DOK5: variants seen among roughly 807,000 people sequenced by gnomAD.
DOK5 encodes the protein downstream of tyrosine kinase 5.
In DOK5, 27 loss-of-function variants were observed where a neutral mutation model predicts 43.3. The observed-to-expected ratio is 0.62, with a 90% confidence interval of 0.46 to 0.86. The LOEUF (loss-of-function observed/expected upper bound fraction) is 0.86, where lower values mean the gene tolerates loss of function less well. DOK5 is among the 40% of genes least tolerant of loss of function. The pLI is 0.00. For missense variants in DOK5, 373 were observed against 392.9 expected (o/e 0.95, Z 0.43); for synonymous variants, 146 against 140.1 (o/e 1.04, Z -0.30).
chr20:54,617,873 TA>T (rs1335695414), intron 6 of DOK5, among the ~76,000 whole-genome samples: 3 of 152,242 alleles, frequency 2.0e-5, no homozygotes, highest in African/African-American at 2.4e-5. Flanking sequence ...AACTCTTTAG[TA>T]ATAATAGCCA....
At chr20:54,522,550 C>T (rs189136103) in intron 1 of DOK5, among the ~76,000 whole-genome samples, 15 of 148,550 alleles carry the variant, frequency 1.0e-4, no homozygotes, top group East Asian at 7.9e-4. Context: ...GACAGAGCCT[C>T]GCTCTGTTGT....
intron 6 of DOK5, among the ~76,000 whole-genome samples, chr20:54,623,876 G>C (rs904468266): frequency 6.6e-6 from 1 of 152,188 alleles, no homozygotes; most frequent in Admixed American, 6.5e-5. Context: ...ACTGCACCCG[G>C]CCAGTGATTT....
intron 1 of DOK5, among the ~76,000 whole-genome samples, chr20:54,512,105 C>A (rs1443426571): frequency 3.3e-5 from 5 of 152,238 alleles, no homozygotes; most frequent in East Asian, 1.9e-4. Context: ...AGAACAGATG[C>A]CCCATGACAC....
chr20:54,554,430 T>G (rs567696403), intron 1 of DOK5, among the ~76,000 whole-genome samples: 18 of 152,314 alleles, frequency 1.2e-4, no homozygotes, highest in Admixed American at 2.6e-4. Context: ...AGAATCTGGT[T>G]GGTGTTAATC....
At chr20:54,518,326 C>T (rs1418959279) in intron 1 of DOK5, among the ~76,000 whole-genome samples, 1 of 151,806 alleles carries the variant, frequency 6.6e-6, no homozygotes, top group Non-Finnish European at 1.5e-5. Context: ...TTCCTGTGTC[C>T]ATGTGTTCTC....
chr20:54,616,343 C>T (rs1490193326), intron 6 of DOK5, among the ~76,000 whole-genome samples: 1 of 152,170 alleles, frequency 6.6e-6, no homozygotes, highest in East Asian at 1.9e-4. Context: ...CACTGTTATT[C>T]TGAAAACTCC....
At chr20:54,647,628 C>T (rs1262441140) in intron 7 of DOK5, among the ~76,000 whole-genome samples, 1 of 151,700 alleles carries the variant, frequency 6.6e-6, no homozygotes, top group Non-Finnish European at 1.5e-5. Context: ...ACAGCAGTTA[C>T]ATCAGTAGCA....
At chr20:54,579,620 C>A (rs1292242463) in intron 2 of DOK5, among the ~76,000 whole-genome samples, 6 of 152,136 alleles carry the variant, frequency 3.9e-5, no homozygotes, top group Non-Finnish European at 8.8e-5. Flanking sequence ...AGTTCAGCTA[C>A]TTTAGATAAC....
At chr20:54,618,533 C>T (rs112821796) in intron 6 of DOK5, among the ~76,000 whole-genome samples, 6,590 of 151,976 alleles carry the variant, frequency 0.043, 495 homozygotes, top group African/African-American at 0.15. Context: ...ATAGTAGAGA[C>T]GGTGTTTCAC....
chr20:54,521,690 A>G (rs910085392), intron 1 of DOK5, among the ~76,000 whole-genome samples: 1 of 152,134 alleles, frequency 6.6e-6, no homozygotes, highest in African/African-American at 2.4e-5. Flanking sequence ...GGCATGATTA[A>G]TTGAATCATT....
At chr20:54,527,632 G>T (rs1368962481) in intron 1 of DOK5, among the ~76,000 whole-genome samples, 1 of 152,168 alleles carries the variant, frequency 6.6e-6, no homozygotes, top group Non-Finnish European at 1.5e-5. Context: ...TACTTCCCTG[G>T]GAAGGTGGAA....
Position 54,650,520 on chromosome 20 carries a change from A to G in DOK5, c.*41A>G. Reference sequence around the variant, plus strand: ...ATTGTTAACACACTTGTGATGTGTCAGCCACAGATTCACCCAGGAGGTCAC... The same window carrying G: ...ATTGTTAACACACTTGTGATGTGTCGGCCACAGATTCACCCAGGAGGTCAC... On this transcript the variant is annotated 3_prime_UTR_variant, in exon 8 of 8. Coordinates refer to ENST00000262593, the MANE Select transcript of DOK5 (RefSeq NM_018431.5). 3 of 1,589,604 alleles carry G rather than the reference A, an allele frequency of 1.9e-6. No homozygotes were observed. The highest frequency in any genetic ancestry group is 2.6e-6 in the Non-Finnish European group (3 of 1,159,882).
At chr20:54,622,645 G>C (rs1329833601) in intron 6 of DOK5, among the ~76,000 whole-genome samples, 1 of 152,148 alleles carries the variant, frequency 6.6e-6, no homozygotes, top group Non-Finnish European at 1.5e-5. Flanking sequence ...ACTTGAGATG[G>C]GGGCTCCGTC....
At chr20:54,647,848 A>G (rs970769312) in intron 7 of DOK5, among the ~76,000 whole-genome samples, 1 of 152,196 alleles carries the variant, frequency 6.6e-6, no homozygotes, top group African/African-American at 2.4e-5. Context: ...CTGCACATCT[A>G]TTTGGACATG....
chr20:54,483,561 A>C (rs541049540), intron 1 of DOK5, among the ~76,000 whole-genome samples: 1 of 152,340 alleles, frequency 6.6e-6, no homozygotes, highest in South Asian at 2.1e-4. Flanking sequence ...AAGATGCCTG[A>C]GGATATTTTT....
At chr20:54,620,168 TA>T (rs1177023324) in intron 6 of DOK5, among the ~76,000 whole-genome samples, 1 of 152,266 alleles carries the variant, frequency 6.6e-6, no homozygotes, top group Non-Finnish European at 1.5e-5. Context: ...ACCTATTTGC[TA>T]CTTGCAAAGC....
intron 6 of DOK5, among the ~76,000 whole-genome samples, chr20:54,625,534 T>G (rs568578238): frequency 5.9e-5 from 9 of 152,252 alleles, no homozygotes; most frequent in Non-Finnish European, 1.3e-4. Context: ...TAGAATTGTG[T>G]TATGAACTGT....
intron 6 of DOK5, among the ~76,000 whole-genome samples, chr20:54,632,018 A>G (rs1453463130): frequency 6.6e-6 from 1 of 152,212 alleles, no homozygotes; most frequent in East Asian, 1.9e-4. Context: ...GGTAATAAAT[A>G]TCACAAAAAC....
intron 2 of DOK5, among the ~76,000 whole-genome samples, chr20:54,574,378 T>A (rs547333274): frequency 6.6e-5 from 10 of 152,080 alleles, no homozygotes; most frequent in Admixed American, 1.3e-4. Context: ...AGACTGACGA[T>A]GATGTGACAT....
Sources: gnomAD v4.1 joint callset for allele counts (sites outside exome capture counted in the v4.1 genomes callset) on GRCh38, gnomAD v4.1.1 for gene constraint, MANE v1.5 for transcripts, NCBI Gene and HGNC (gene_info 2026-07-23, HGNC 2026-07-21) for gene names.